The following ATG101 variants were observed in gnomAD, a reference collection of about 807,000 sequenced individuals.
ATG101 encodes autophagy related 101, also known as autophagy-related protein 101.
Under a neutral mutation model 16.7 loss-of-function variants are expected in ATG101, and 6 were observed. The observed-to-expected ratio is 0.36, with a 90% confidence interval of 0.20 to 0.71. The LOEUF (loss-of-function observed/expected upper bound fraction) is 0.71. Ranked by LOEUF, ATG101 falls within the 30% of genes least tolerant of loss-of-function variation. ATG101 has a pLI of 0.57. For missense variants in ATG101, 200 were observed against 292.5 expected, an observed-to-expected ratio of 0.68 and a Z score of 2.31; for synonymous variants, 108 against 118.1, an observed-to-expected ratio of 0.91 and a Z score of 0.56.
At chr12:52,065,789 AG>A (rs1024905692), upstream of ATG101, among the ~76,000 whole-genome samples, 7 of 152,248 alleles carry the variant, frequency 4.6e-5, no homozygotes, top group African/African-American at 1.4e-4. Flanking sequence ...AGGGTTCTCC[AG>A]AGAAACAGAA....
rs1303888450 is a variant in ATG101 at position 52,077,366 on chromosome 12, C to T, written c.*176C>T. 2 of 721,264 alleles carry T rather than the reference C, an allele frequency of 2.8e-6. No homozygotes were observed. Among genetic ancestry groups the T allele is most frequent in the East Asian group, 2.7e-5 (1 of 37,028 alleles). 44.7% of individuals were successfully genotyped at this position (721,264 alleles called of 1,614,324 possible). ...GCCAGCCTCAGGTCATCCTTTTAAT[C>T]TTTGCTGACGGTTCAGTCCTGCCTC... On this transcript the variant is annotated 3_prime_UTR_variant, in exon 4 of 4. Coordinates refer to ENST00000336854, the MANE Select transcript of ATG101 (RefSeq NM_021934.5).
In ATG101 at chr12:52,077,448, G is replaced by T; in HGVS notation, c.*258G>T. ...CCTTCTTTCTCCACTGTACAGAAGA[G>T]CCACCACTGGGATGGGGAATAAAGT... is the stretch of plus-strand genomic sequence containing the variant. On this transcript the variant is annotated 3_prime_UTR_variant, in exon 4 of 4. Coordinates refer to ENST00000336854, the MANE Select transcript of ATG101 (RefSeq NM_021934.5). 2.0e-6 allele frequency: 1 copy of T among 495,378 alleles called. No individual in the cohort carries two copies. Among genetic ancestry groups the T allele is most frequent in the East Asian group, 3.3e-5 (1 of 30,762 alleles). The allele number at this position is 495,378 out of a possible 1,614,324, so 30.7% of individuals were successfully genotyped here.
chr12:52,074,971 A>T (rs1056091188), intron 3 of ATG101, among the ~76,000 whole-genome samples: 2 of 151,996 alleles, frequency 1.3e-5, no homozygotes, highest in African/African-American at 2.4e-5. Context: ...AAAAAAAATA[A>T]TTTTTTTTGT....
chr12:52,071,490 A>G (rs1461107345), intron 2 of ATG101: 1 of 152,228 alleles, frequency 6.6e-6, no homozygotes, highest in Non-Finnish European at 1.5e-5. Flanking sequence ...TACCAAAACT[A>G]AAACTAAAAG....
upstream of ATG101, among the ~76,000 whole-genome samples, chr12:52,068,763 G>A (rs1939580225): frequency 6.6e-6 from 1 of 152,068 alleles, no homozygotes; most frequent in African/African-American, 2.4e-5. Flanking sequence ...GAGGCGGGCA[G>A]ATCACGAGGT....
intron 2 of ATG101, 166 bp downstream of exon 2, chr12:52,070,649 C>T (rs1189557120): frequency 6.6e-6 from 1 of 152,346 alleles, no homozygotes; most frequent in African/African-American, 2.4e-5. Flanking sequence ...TTTTCACAGA[C>T]CAAATGTGGC....
chr12:52,069,505 T>C (rs1225186022), upstream of ATG101: 1 of 152,260 alleles, frequency 6.6e-6, no homozygotes, highest in East Asian at 1.9e-4. Flanking sequence ...CCAGGACCTC[T>C]CTCTACGGGG....
chr12:52,074,556 A>AT (rs2120623856), intron 3 of ATG101, among the ~76,000 whole-genome samples: 1 of 151,304 alleles, frequency 6.6e-6, no homozygotes, highest in South Asian at 2.1e-4. Flanking sequence ...CAGTCTCACT[A>AT]TGTCACCCCA....
At chr12:52,069,605 C>A (rs1485641779), upstream of ATG101, 1 of 152,260 alleles carries the variant, frequency 6.6e-6, no homozygotes, top group African/African-American at 2.4e-5. Flanking sequence ...CCCGGCCAGG[C>A]TCGCCGCCGA....
chr12:52,068,752 C>T (rs1224031674), upstream of ATG101, among the ~76,000 whole-genome samples: 3 of 151,712 alleles, frequency 2.0e-5, no homozygotes, highest in South Asian at 2.1e-4. Context: ...TTTGGGAGGC[C>T]GAGGCGGGCA....
chr12:52,073,198 C>G (rs1823812300), intron 2 of ATG101, among the ~76,000 whole-genome samples: 1 of 152,224 alleles, frequency 6.6e-6, no homozygotes, highest in African/African-American at 2.4e-5. Context: ...TCCAATCTTT[C>G]TGTACTTCTT....
In ATG101 at chr12:52,073,774, G is replaced by C; in HGVS notation, c.124G>C (p.Glu42Gln). 1 of 1,614,226 alleles carries C rather than the reference G, an allele frequency of 6.2e-7. No homozygotes were observed. Among genetic ancestry groups the C allele is most frequent in the Non-Finnish European group, 8.5e-7 (1 of 1,180,034 alleles). ...RSTGKFHYKKEGTYSIGTVGT... is the reference protein window; with the variant it reads ...RSTGKFHYKKQGTYSIGTVGT... ...CACAGGCAAGTTCCACTACAAGAAG[G>C]AGGGCACCTACTCCATTGGCACCGT... Residue 42 changes from glutamate to glutamine, a missense_variant, in exon 3 of 4, where the codon GAG becomes CAG. Transcript: ENST00000336854.
intron 3 of ATG101, among the ~76,000 whole-genome samples, chr12:52,075,553 G>A (rs751599785): frequency 2.6e-5 from 4 of 152,204 alleles, no homozygotes; most frequent in Non-Finnish European, 5.9e-5. Context: ...GTCAGTGAAG[G>A]AAAGCCTCTT....
upstream of ATG101, chr12:52,069,436 A>G (rs1939602046): frequency 1.3e-5 from 2 of 152,312 alleles, no homozygotes; most frequent in Non-Finnish European, 2.9e-5. Context: ...CGCACATTCA[A>G]CAAACTCAAG....
At chr12:52,065,418 T>G (rs1372149523), upstream of ATG101, among the ~76,000 whole-genome samples, 1 of 152,170 alleles carries the variant, frequency 6.6e-6, no homozygotes, top group Non-Finnish European at 1.5e-5. Flanking sequence ...ACGTGTGGCA[T>G]GAATGAATGA....
At position 52,073,885 on chromosome 12, in the gene ATG101, G is replaced by A. The variant is rs766356158; in HGVS notation, c.235G>A (p.Val79Ile). The change falls in exon 3 of 4, where the codon GTT (valine) becomes ATT (isoleucine). Residue 79 changes from valine to isoleucine, a missense_variant. By Grantham distance (29) the Val-to-Ile change is conservative. Transcript: ENST00000336854. Reference sequence around the variant, plus strand: ...GGAACTGGATCGTGCCCTGCGCAAGGTTGTTGGGGAGTTCAAGGTAAGGGT... The same window carrying A: ...GGAACTGGATCGTGCCCTGCGCAAGATTGTTGGGGAGTTCAAGGTAAGGGT... ...SEELDRALRK[V>I]VGEFKDALRN... is the part of the protein sequence containing the mutation. 6.8e-6 allele frequency: 11 copies of A among 1,613,900 alleles called. No individual in the cohort carries two copies. In the African/African-American group the frequency reaches 1.5e-4, roughly 22 times the overall value.
Position 52,075,780 on chromosome 12 carries a change from A to G in ATG101, c.253-1006A>G, listed in dbSNP as rs542615981. On this transcript the variant is annotated intron_variant, in intron 3 of 3. Transcript: ENST00000336854. Reference sequence around the variant, plus strand: ...AGTGCCAGGTCTGGTCTGTCCTTCAACTTCCCTTCCCCATTCTGTTGCTTG... The same window carrying G: ...AGTGCCAGGTCTGGTCTGTCCTTCAGCTTCCCTTCCCCATTCTGTTGCTTG... Among the ~76,000 whole-genome samples the G allele has an allele frequency of 3.3e-5, 5 of 152,310 alleles. No individual in the cohort carries two copies. In the South Asian group the frequency reaches 1.0e-3, roughly 32 times the overall value.
chr12:52,067,984 A>AT (rs1939564388), upstream of ATG101, among the ~76,000 whole-genome samples: 1 of 151,780 alleles, frequency 6.6e-6, no homozygotes, highest in African/African-American at 2.4e-5. Context: ...TGACCTTTCC[A>AT]TTCCACCTAA....
chr12:52,068,017 T>A (rs950225502), upstream of ATG101, among the ~76,000 whole-genome samples: 3 of 151,964 alleles, frequency 2.0e-5, no homozygotes, highest in African/African-American at 7.3e-5. Context: ...ATTATCGTTT[T>A]GGGAAATAAA....
Sources: gnomAD v4.1 joint callset for allele counts (sites outside exome capture counted in the v4.1 genomes callset) on GRCh38, gnomAD v4.1.1 for gene constraint, MANE v1.5 for transcripts, NCBI Gene and HGNC (gene_info 2026-07-23, HGNC 2026-07-21) for gene names.